The following PPHLN1 variants were observed in gnomAD, a reference collection of about 807,000 sequenced individuals.
PPHLN1 encodes the protein periphilin 1, also known as periphilin-1.
A neutral mutation model predicts 51.3 loss-of-function variants in PPHLN1; 29 were observed. The observed-to-expected ratio is 0.57, with a 90% CI of 0.42 to 0.77. The LOEUF (loss-of-function observed/expected upper bound fraction) is 0.77. Among genes scored for constraint, PPHLN1 ranks in the 30% least tolerant of loss-of-function variants. The pLI, the probability that PPHLN1 is intolerant of heterozygous loss-of-function variation, is 0.00. For synonymous variants in PPHLN1, 147 were observed against 147.8 expected, an observed-to-expected ratio of 0.99 and a Z score of 0.04; for missense variants, 436 against 438.4, an observed-to-expected ratio of 0.99 and a Z score of 0.05.
rs373718892 is a variant in PPHLN1 at position 42,429,468 on chromosome 12, T to C, written c.910-11847T>C. ...AAGATTCATTACTGTTTAAACACTCTATGCTTTTTTGCTTCCAAGGTGCTT... is the reference window on the plus strand; with the variant it reads ...AAGATTCATTACTGTTTAAACACTCCATGCTTTTTTGCTTCCAAGGTGCTT... On this transcript the variant is annotated intron_variant, in intron 9 of 9. Transcript: ENST00000358314. Among the ~76,000 whole-genome samples, 20 of 152,382 alleles carry C rather than the reference T, an allele frequency of 1.3e-4. No individual in the cohort carries two copies. In the South Asian group the frequency reaches 4.1e-3, roughly 32 times the overall value.
In PPHLN1 at chr12:42,441,707, G is replaced by C; in HGVS notation, c.*198G>C. 1 of 1,244,340 alleles carries C rather than the reference G, an allele frequency of 8.0e-7. No homozygotes were observed. Among genetic ancestry groups the C allele is most frequent in the Non-Finnish European group, 1.0e-6 (1 of 976,288 alleles). The allele number at this position is 1,244,340 out of a possible 1,614,324, so 77.1% of individuals were successfully genotyped here. On this transcript the variant is annotated 3_prime_UTR_variant, in exon 10 of 10. Coordinates refer to ENST00000358314, the MANE Select transcript of PPHLN1 (RefSeq NM_201439.2). ...TTCAAATTTTTGTATTTTTTGTAGAGATGGGGTTCACCATGTTGGCCAGGC... is the reference window on the plus strand; with the variant it reads ...TTCAAATTTTTGTATTTTTTGTAGACATGGGGTTCACCATGTTGGCCAGGC...
intron 9 of PPHLN1, among the ~76,000 whole-genome samples, chr12:42,428,868 C>T (rs1423227470): frequency 4.2e-5 from 6 of 141,492 alleles, no homozygotes; most frequent in Non-Finnish European, 6.0e-5. Context: ...TGACAGATAT[C>T]GTTTAGGGAG....
At chr12:42,379,286 C>T (rs1299193287) in intron 5 of PPHLN1, among the ~76,000 whole-genome samples, 1 of 151,926 alleles carries the variant, frequency 6.6e-6, no homozygotes, top group Non-Finnish European at 1.5e-5. Flanking sequence ...AAATCACAAT[C>T]CAGTCCTTTT....
chr12:42,376,734 A>T (rs1392161692), intron 5 of PPHLN1, among the ~76,000 whole-genome samples: 1 of 152,012 alleles, frequency 6.6e-6, no homozygotes, highest in East Asian at 1.9e-4. Flanking sequence ...CCTGCAGTAA[A>T]CTGTGATCAC....
At chr12:42,434,598 G>A (rs1440310192) in intron 9 of PPHLN1, among the ~76,000 whole-genome samples, 1 of 152,176 alleles carries the variant, frequency 6.6e-6, no homozygotes, top group African/African-American at 2.4e-5. Context: ...TGTCTGCTGG[G>A]GAACTGATGT....
chr12:42,404,677 C>G (rs1487142631), intron 9 of PPHLN1, among the ~76,000 whole-genome samples: 4 of 152,154 alleles, frequency 2.6e-5, no homozygotes. Context: ...TGTTTATTTC[C>G]TTTTCCCCAC....
At chr12:42,413,512 CTATA>C (rs1264480821) in intron 9 of PPHLN1, among the ~76,000 whole-genome samples, 1 of 144,660 alleles carries the variant, frequency 6.9e-6, no homozygotes, top group Non-Finnish European at 1.5e-5. Flanking sequence ...GTTTTGATAA[CTATA>C]TATATGTATA....
At chr12:42,331,310 GAGTTACTATAGCCTA>G (rs1222861980) in intron 1 of PPHLN1, among the ~76,000 whole-genome samples, 1 of 152,232 alleles carries the variant, frequency 6.6e-6, no homozygotes, top group African/African-American at 2.4e-5. Flanking sequence ...TTGGAATGCA[GAGTTACTATAGCCTA>G]AGTTGCTACT....
intron 9 of PPHLN1, among the ~76,000 whole-genome samples, chr12:42,414,266 C>G (rs965346683): frequency 3.3e-5 from 5 of 152,034 alleles, no homozygotes; most frequent in African/African-American, 7.2e-5. Flanking sequence ...AACTCCTGAC[C>G]TCAGGTGATC....
chr12:42,390,818 G>GTTTT (rs34282980), intron 7 of PPHLN1, among the ~76,000 whole-genome samples: 10 of 118,570 alleles, frequency 8.4e-5, no homozygotes, highest in East Asian at 2.5e-4. Flanking sequence ...AGACCGTGAA[G>GTTTT]TTTTTTTTTT....
chr12:42,384,781 C>T (rs1359373767), intron 5 of PPHLN1, among the ~76,000 whole-genome samples, 159 bp from the exon 6 acceptor site: 1 of 152,142 alleles, frequency 6.6e-6, no homozygotes, highest in African/African-American at 2.4e-5. Context: ...GGTGATTGCT[C>T]AGGCAGCCCA....
intron 9 of PPHLN1, among the ~76,000 whole-genome samples, chr12:42,420,440 CTG>C (rs1276448601): frequency 6.7e-6 from 1 of 150,336 alleles, no homozygotes; most frequent in Non-Finnish European, 1.5e-5. Context: ...AATTGTATGA[CTG>C]TGCAGTGAAG....
intron 9 of PPHLN1, among the ~76,000 whole-genome samples, chr12:42,407,247 T>C (rs770530405): frequency 6.6e-6 from 1 of 152,232 alleles, no homozygotes; most frequent in Non-Finnish European, 1.5e-5. Context: ...GTTGAGATCC[T>C]GGCTCAGGAT....
intron 9 of PPHLN1, among the ~76,000 whole-genome samples, chr12:42,413,490 C>G (rs992046517): frequency 6.6e-6 from 1 of 150,960 alleles, no homozygotes; most frequent in African/African-American, 2.4e-5. Flanking sequence ...TATTTTATAC[C>G]AGTACCATGC....
chr12:42,335,212 C>T (rs1338212777), intron 1 of PPHLN1, among the ~76,000 whole-genome samples: 2 of 151,800 alleles, frequency 1.3e-5, no homozygotes, highest in East Asian at 3.9e-4. Context: ...AATACACCGT[C>T]CCACCCCCCC....
At chr12:42,350,219 G>C (rs1046228241) in intron 2 of PPHLN1, 16 of 154,080 alleles carry the variant, frequency 1.0e-4, no homozygotes, top group African/African-American at 3.2e-4. Flanking sequence ...GGTGGTCGCC[G>C]GGCAGAGGCG....
intron 3 of PPHLN1, among the ~76,000 whole-genome samples, chr12:42,353,718 T>G (rs1045805233): frequency 1.8e-4 from 27 of 152,188 alleles, no homozygotes; most frequent in African/African-American, 6.5e-4. Flanking sequence ...GGTGAAAGTT[T>G]GAGATTTTAG....
intron 2 of PPHLN1, among the ~76,000 whole-genome samples, chr12:42,345,980 A>C (rs1021956797): frequency 6.6e-6 from 1 of 151,994 alleles, no homozygotes; most frequent in Non-Finnish European, 1.5e-5. Context: ...ATGTTATGGG[A>C]TACATATAGA....
chr12:42,372,263 G>A (rs2075875075), intron 4 of PPHLN1, among the ~76,000 whole-genome samples: 1 of 152,166 alleles, frequency 6.6e-6, no homozygotes, highest in African/African-American at 2.4e-5. Context: ...ATGTGAAGGG[G>A]AGAAGAGACA....
Sources: gnomAD v4.1 joint callset for allele counts (sites outside exome capture counted in the v4.1 genomes callset) on GRCh38, gnomAD v4.1.1 for gene constraint, MANE v1.5 for transcripts, NCBI Gene and HGNC (gene_info 2026-07-23, HGNC 2026-07-21) for gene names.